ME3: variants seen among roughly 807,000 people sequenced by gnomAD.
ME3 encodes NADP-dependent malic enzyme, mitochondrial.
In ME3, 48 loss-of-function variants were observed where a neutral mutation model predicts 68.9. That is an observed-to-expected ratio of 0.70 (90% CI 0.55 to 0.89). The LOEUF (loss-of-function observed/expected upper bound fraction) is 0.89, where lower values mean the gene tolerates loss of function less well. Among genes scored for constraint, ME3 ranks in the 40% least tolerant of loss-of-function variants. The pLI, the probability that ME3 is intolerant of heterozygous loss-of-function variation, is 0.00. For synonymous variants in ME3, 320 were observed against 318.8 expected (o/e 1.00, Z -0.04); for missense variants, 675 against 797.4 (o/e 0.85, Z 1.85).
intron 7 of ME3, among the ~76,000 whole-genome samples, chr11:86,470,053 AGT>A (rs1481376448): frequency 2.0e-5 from 3 of 152,046 alleles, no homozygotes; most frequent in African/African-American, 7.2e-5. Flanking sequence ...CCTTCTCCCC[AGT>A]GTGTGAACCA....
downstream of ME3, among the ~76,000 whole-genome samples, chr11:86,438,354 T>C (rs768965982): frequency 2.0e-5 from 3 of 152,190 alleles, no homozygotes; most frequent in Non-Finnish European, 2.9e-5. Flanking sequence ...TATGTAATTT[T>C]TAAATTTCAT....
intron 2 of ME3, among the ~76,000 whole-genome samples, chr11:86,576,071 A>T (rs1958089392): frequency 6.6e-6 from 1 of 152,338 alleles, no homozygotes; most frequent in East Asian, 1.9e-4. Context: ...CCTGCTTCAA[A>T]TGCTGATTTA....
intron 4 of ME3, among the ~76,000 whole-genome samples, chr11:86,515,172 T>C (rs1953805747): frequency 6.6e-6 from 1 of 152,182 alleles, no homozygotes; most frequent in African/African-American, 2.4e-5. Context: ...TAATTTTCCA[T>C]GTTCCCCGCA....
chr11:86,509,662 G>C (rs1308634005), intron 4 of ME3, among the ~76,000 whole-genome samples: 1 of 151,412 alleles, frequency 6.6e-6, no homozygotes, highest in Non-Finnish European at 1.5e-5. Context: ...GAGGGGGTGG[G>C]TTCTGGAAGG....
intron 6 of ME3, among the ~76,000 whole-genome samples, chr11:86,491,698 C>G (rs1397835933): frequency 6.6e-6 from 1 of 152,218 alleles, no homozygotes; most frequent in Non-Finnish European, 1.5e-5. Flanking sequence ...CAGTCCTCCT[C>G]TGTCTGGACT....
chr11:86,614,934 C>G (rs1456794447), intron 2 of ME3, among the ~76,000 whole-genome samples: 1 of 152,130 alleles, frequency 6.6e-6, no homozygotes, highest in Non-Finnish European at 1.5e-5. Flanking sequence ...ATAAAATGTA[C>G]TAAATACTAA....
intron 5 of ME3, among the ~76,000 whole-genome samples, chr11:86,502,622 C>A (rs1952800590): frequency 6.6e-6 from 1 of 152,184 alleles, no homozygotes; most frequent in African/African-American, 2.4e-5. Flanking sequence ...ACTAGTTCTG[C>A]AAATTGTCAA....
At chr11:86,652,782 T>G (rs888642349) in intron 2 of ME3, among the ~76,000 whole-genome samples, 2 of 152,164 alleles carry the variant, frequency 1.3e-5, no homozygotes, top group African/African-American at 4.8e-5. Context: ...ATGCTCCAAT[T>G]GAAAGACACA....
intron 2 of ME3, among the ~76,000 whole-genome samples, chr11:86,666,885 C>T (rs1946619616): frequency 6.6e-6 from 1 of 152,204 alleles, no homozygotes; most frequent in South Asian, 2.1e-4. Context: ...TCCATAGTAA[C>T]AACCTCCCCT....
chr11:86,452,428 C>G (rs1015928097), intron 8 of ME3, among the ~76,000 whole-genome samples: 1 of 152,102 alleles, frequency 6.6e-6, no homozygotes, highest in Non-Finnish European at 1.5e-5. Context: ...CTTCATATTT[C>G]TATGCTCAAT....
At chr11:86,491,990 G>A (rs1952038343) in intron 6 of ME3, among the ~76,000 whole-genome samples, 1 of 152,208 alleles carries the variant, frequency 6.6e-6, no homozygotes, top group African/African-American at 2.4e-5. Flanking sequence ...ACGTGCCGCA[G>A]GGGAAAGGAC....
intron 2 of ME3, among the ~76,000 whole-genome samples, chr11:86,587,894 G>C (rs906580130): frequency 1.3e-5 from 2 of 152,142 alleles, no homozygotes; most frequent in African/African-American, 4.8e-5. Context: ...ATATAAATAA[G>C]AGTTCTGTTT....
intron 6 of ME3, among the ~76,000 whole-genome samples, chr11:86,496,298 C>T (rs1424366783): frequency 6.6e-6 from 1 of 152,052 alleles, no homozygotes; most frequent in African/African-American, 2.4e-5. Context: ...CCCAGCTACT[C>T]AGGAGGCTGA....
intron 2 of ME3, among the ~76,000 whole-genome samples, chr11:86,655,456 T>C (rs1198675844): frequency 2.0e-5 from 3 of 152,106 alleles, no homozygotes; most frequent in Non-Finnish European, 4.4e-5. Flanking sequence ...TATCTACAAT[T>C]ATCTGATCTT....
intron 2 of ME3, among the ~76,000 whole-genome samples, chr11:86,634,680 G>A (rs549079783): frequency 8.2e-3 from 143 of 17,444 alleles, no homozygotes; most frequent in Middle Eastern, 0.038. Context: ...AATGGTTCTG[G>A]GTCTTTTGTG....
At chr11:86,661,469 G>C (rs780373199) in intron 2 of ME3, among the ~76,000 whole-genome samples, 12 of 152,214 alleles carry the variant, frequency 7.9e-5, no homozygotes, top group Non-Finnish European at 1.8e-4. Flanking sequence ...AATTAGAAAT[G>C]TCATGATATT....
chr11:86,553,846 C>T lies in ME3; in HGVS notation c.467+2707G>A, dbSNP rs917066691. 5.3e-5 allele frequency among the ~76,000 whole-genome samples: 8 copies of T among 152,318 alleles called. 1 individual carries two copies. The East Asian group carries it at 1.5e-3, about 29-fold the overall frequency. On this transcript the variant is annotated intron_variant, in intron 4 of 14. Transcript: ENST00000543262. ...CCTGGAGCTGCAACGACATCCCACC[C>T]AGAATGCCCACCAGCTGTGCACAGT...
intron 2 of ME3, among the ~76,000 whole-genome samples, chr11:86,650,290 C>G (rs998666102): frequency 6.6e-6 from 1 of 152,130 alleles, no homozygotes; most frequent in Non-Finnish European, 1.5e-5. Flanking sequence ...TTCCTTATAC[C>G]TTATACAAAA....
At chr11:86,598,690 G>C (rs1020765436) in intron 2 of ME3, among the ~76,000 whole-genome samples, 1 of 152,152 alleles carries the variant, frequency 6.6e-6, no homozygotes, top group Non-Finnish European at 1.5e-5. Flanking sequence ...GCCTAACTGG[G>C]AGGCACCCCC....
Sources: gnomAD v4.1 joint callset for allele counts (sites outside exome capture counted in the v4.1 genomes callset) on GRCh38, gnomAD v4.1.1 for gene constraint, MANE v1.5 for transcripts, NCBI Gene and HGNC (gene_info 2026-07-23, HGNC 2026-07-21) for gene names.